Variants in FRRS1 observed in about 807,000 individuals in gnomAD.
FRRS1 encodes ferric reductase 1.
In FRRS1, 51 loss-of-function variants were observed where a neutral mutation model predicts 70.7. The ratio of observed to expected loss-of-function variants is 0.72; its 90% CI spans 0.58 to 0.91. The LOEUF (loss-of-function observed/expected upper bound fraction) is 0.91. FRRS1 is among the 40% of genes least tolerant of loss of function. The probability of loss-of-function intolerance (pLI) is 0.00; values close to 1 mark genes in which losing one functional copy is unlikely to be tolerated. For synonymous variants in FRRS1, 225 were observed against 238.7 expected, an observed-to-expected ratio of 0.94 and a Z score of 0.53; for missense variants, 672 against 726.0, an observed-to-expected ratio of 0.93 and a Z score of 0.86.
chr1:99,744,994 A>G (rs941982139), intron 4 of FRRS1, among the ~76,000 whole-genome samples: 15 of 135,748 alleles, frequency 1.1e-4, no homozygotes, highest in South Asian at 6.8e-4. Flanking sequence ...AAAAAAAAAA[A>G]AAAGAAAGAA....
chr1:99,717,711 T>G (rs1015439491), intron 10 of FRRS1, among the ~76,000 whole-genome samples, 186 bp from the exon 11 acceptor site: 1 of 152,234 alleles, frequency 6.6e-6, no homozygotes, highest in African/African-American at 2.4e-5. Flanking sequence ...AGCAAACACT[T>G]CTACAGCTCC....
At chr1:99,741,085 ATC>A in intron 5 of FRRS1, 145 bp from the exon 6 acceptor site, 1 of 707,256 alleles carries the variant, frequency 1.4e-6, no homozygotes, top group Non-Finnish European at 2.3e-6. Context: ...CCTGAGGCAA[ATC>A]TCTAACCACT....
chr1:99,753,403 T>TA (rs1656672160), intron 1 of FRRS1, among the ~76,000 whole-genome samples: 1 of 151,120 alleles, frequency 6.6e-6, no homozygotes, highest in Non-Finnish European at 1.5e-5. Flanking sequence ...TGATTTTTTT[T>TA]AAAAAGACAA....
chr1:99,717,794 T>C (rs551777883), intron 10 of FRRS1, among the ~76,000 whole-genome samples: 129 of 152,336 alleles, frequency 8.5e-4, no homozygotes, highest in Admixed American at 2.0e-3. Flanking sequence ...CCTATGATTA[T>C]GAATAGCAAA....
intron 7 of FRRS1, among the ~76,000 whole-genome samples, chr1:99,734,517 T>C (rs1349761068): frequency 1.3e-5 from 2 of 152,144 alleles, no homozygotes; most frequent in Non-Finnish European, 2.9e-5. Flanking sequence ...TTCACTGTAC[T>C]ATCTTTTTAA....
At chr1:99,720,702 A>G (rs1420211059) in intron 9 of FRRS1, among the ~76,000 whole-genome samples, 2 of 152,192 alleles carry the variant, frequency 1.3e-5, no homozygotes, top group African/African-American at 4.8e-5. Flanking sequence ...TTTGGATTAA[A>G]TAAGAAATTA....
rs1654038443 is a variant in FRRS1, at chr1:99,706,390, C to G, written c.*2638G>C. On this transcript the variant is annotated 3_prime_UTR_variant, in exon 17 of 17. Coordinates refer to ENST00000646001, the MANE Select transcript of FRRS1 (RefSeq NM_001361041.2). ...CACCACTGCACTCCAGCCTGGGCAACAGAGTAAGACCCTGTCTCAAAAAAA... is the reference window on the plus strand; with the variant it reads ...CACCACTGCACTCCAGCCTGGGCAAGAGAGTAAGACCCTGTCTCAAAAAAA... Among the ~76,000 whole-genome samples, 1 of 135,894 alleles carries G rather than the reference C, an allele frequency of 7.4e-6. No individual in the cohort carries two copies. The highest frequency in any genetic ancestry group is 2.3e-4 in the South Asian group (1 of 4,354). The allele number at this position is 135,894 out of a possible 152,430, so 89.2% of individuals were successfully genotyped here.
At position 99,710,947 on chromosome 1, in the gene FRRS1, C is replaced by T. The variant is rs1284215823; in HGVS notation, c.1483G>A (p.Ala495Thr). ...AAATCCATTCCCAGGAACATCGCTG[C>T]CACTACATACAAAAGAAAAAAGTTA... The part of the protein sequence containing the change: ...MGTAARIIAV[A>T]AMFLGMDLPG... Residue 495 changes from alanine (A) to threonine (T), a missense_variant and splice_region_variant, in exon 15 of 17, where the codon GCA becomes ACA. Ala to Thr is a moderately conservative substitution (Grantham distance 58). Transcript: ENST00000646001. 6.2e-7 allele frequency: 1 copy of T among 1,611,978 alleles called. No homozygotes were observed. The highest frequency in any genetic ancestry group is 1.7e-5 in the Admixed American group (1 of 59,890).
chr1:99,748,498 CA>C, intron 3 of FRRS1, 74 bp downstream of exon 3: 1 of 1,137,828 alleles, frequency 8.8e-7, no homozygotes, highest in Non-Finnish European at 1.3e-6. Context: ...TCTTCTAAAT[CA>C]AGTAATAATA....
chr1:99,737,644 T>C (rs1293582190), intron 7 of FRRS1, among the ~76,000 whole-genome samples: 1 of 152,216 alleles, frequency 6.6e-6, no homozygotes, highest in Admixed American at 6.5e-5. Flanking sequence ...CTCAAAGCCG[T>C]TTAACTTAGA....
At chr1:99,760,681 G>A (rs1213134070) in intron 1 of FRRS1, among the ~76,000 whole-genome samples, 1 of 151,954 alleles carries the variant, frequency 6.6e-6, no homozygotes, top group Admixed American at 6.6e-5. Flanking sequence ...ATGGAGTCTC[G>A]CTCTGTCGCC....
rs1654082205 is a variant in FRRS1 at position 99,708,145 on chromosome 1, C to G, written c.*883G>C. Among the ~76,000 whole-genome samples the G allele has an allele frequency of 6.6e-6, 1 of 152,192 alleles. No individual in the cohort carries two copies. The highest frequency in any genetic ancestry group is 1.5e-5 in the Non-Finnish European group (1 of 68,030). The stretch of plus-strand genomic sequence containing the variant: ...AAAACCTACAATGGCATCTGCTTCA[C>G]TTCTACCTTTACTAGAGAAGTAACA... On this transcript the variant is annotated 3_prime_UTR_variant, in exon 17 of 17. Coordinates refer to ENST00000646001, the MANE Select transcript of FRRS1 (RefSeq NM_001361041.2).
chr1:99,728,478 T>C lies in FRRS1; in HGVS notation c.1006+15A>G. ...GAAAAAGACACTTGAAAAGACAGCT[T>C]AACAATATACTTACCATCATTAGCT... On this transcript the variant is annotated intron_variant, in intron 9 of 16. Transcript: ENST00000646001. 1 of 1,576,996 alleles carries C rather than the reference T, an allele frequency of 6.3e-7. No homozygotes were observed. The highest frequency in any genetic ancestry group is 8.7e-7 in the Non-Finnish European group (1 of 1,155,698).
At chr1:99,742,567 AT>A (rs1656025757) in intron 4 of FRRS1, among the ~76,000 whole-genome samples, 1 of 152,244 alleles carries the variant, frequency 6.6e-6, no homozygotes, top group Admixed American at 6.5e-5. Context: ...TTTCATGTAC[AT>A]TATAAATTTA....
chr1:99,730,137 T>G (rs1655280340), intron 7 of FRRS1, among the ~76,000 whole-genome samples: 1 of 152,194 alleles, frequency 6.6e-6, no homozygotes, highest in Non-Finnish European at 1.5e-5. Context: ...TTTTTTCAAT[T>G]AACTTACCAT....
intron 4 of FRRS1, among the ~76,000 whole-genome samples, chr1:99,744,231 T>C (rs537222583): frequency 1.1e-4 from 16 of 152,284 alleles, no homozygotes; most frequent in Non-Finnish European, 1.9e-4. Context: ...GGGATACTTA[T>C]AGACTAATAT....
Position 99,738,233 on chromosome 1 carries a change from A to G in FRRS1, c.612T>C (p.Cys204=). 6.2e-7 allele frequency: 1 copy of G among 1,610,828 alleles called. No individual in the cohort carries two copies. Among genetic ancestry groups the G allele is most frequent in the Non-Finnish European group, 8.5e-7 (1 of 1,178,974 alleles). ...SASDCGNKKF[C]IRSPLNCDPE... ...GGTCACAGTTCAAAGGACTCCTAATACAGAACTTCTTGTTCCCACAATCTG... is the reference window on the plus strand; with the variant it reads ...GGTCACAGTTCAAAGGACTCCTAATGCAGAACTTCTTGTTCCCACAATCTG... The change falls in exon 7 of 17, where the codon TGT becomes TGC. Residue 204 remains cysteine (C), a synonymous_variant. Coordinates refer to ENST00000646001, the MANE Select transcript of FRRS1 (RefSeq NM_001361041.2).
At position 99,726,994 on chromosome 1, in the gene FRRS1, C is replaced by T. The variant is rs188242169; in HGVS notation, c.1006+1499G>A. On this transcript the variant is annotated intron_variant, in intron 9 of 16. Transcript: ENST00000646001. Reference sequence around the variant, plus strand: ...TCTTTCAAAGTGCTGGGATTATAGGCGTGAGCCACTGCACCCAGTCCATTT... The same window carrying T: ...TCTTTCAAAGTGCTGGGATTATAGGTGTGAGCCACTGCACCCAGTCCATTT... Among the ~76,000 whole-genome samples the T allele has an allele frequency of 1.3e-4, 20 of 152,306 alleles. 1 individual carries two copies. The highest frequency in any genetic ancestry group is 1.2e-3 in the Admixed American group (18 of 15,306).
At chr1:99,718,673 C>T (rs1475322891) in intron 10 of FRRS1, among the ~76,000 whole-genome samples, 1 of 152,012 alleles carries the variant, frequency 6.6e-6, no homozygotes, top group Non-Finnish European at 1.5e-5. Context: ...TCATTCTATT[C>T]CTCATTTAGG....
Sources: allele counts gnomAD v4.1 joint callset (sites outside exome capture counted in the v4.1 genomes callset), GRCh38; gene constraint gnomAD v4.1.1; transcripts MANE v1.5; gene names NCBI Gene and HGNC (gene_info 2026-07-23, HGNC 2026-07-21).